Variants in LDB2 observed in about 807,000 individuals in gnomAD.
LDB2 encodes LIM domain-binding protein 2.
LDB2 carries 12 observed loss-of-function variants against 44.3 expected under a neutral mutation model. The observed-to-expected ratio is 0.27, with a 90% CI of 0.17 to 0.44. The LOEUF is 0.44. Among genes scored for constraint, LDB2 ranks in the 20% least tolerant of loss-of-function variants. The probability of loss-of-function intolerance (pLI) is 1.00; values close to 1 mark genes in which losing one functional copy is unlikely to be tolerated. For missense variants in LDB2, 344 were observed against 473.5 expected, an observed-to-expected ratio of 0.73 and a Z score of 2.54; for synonymous variants, 164 against 174.8, an observed-to-expected ratio of 0.94 and a Z score of 0.49.
intron 2 of LDB2, chr4:16,726,511 A>G (rs1759498038): frequency 6.6e-6 from 1 of 152,096 alleles, no homozygotes; most frequent in Non-Finnish European, 1.5e-5. Flanking sequence ...GCAGCGCCAG[A>G]ATCAGGTTCC....
At chr4:16,722,510 CA>C (rs1758490526) in intron 2 of LDB2, among the ~76,000 whole-genome samples, 1 of 152,162 alleles carries the variant, frequency 6.6e-6, no homozygotes. Context: ...GGGCTAGCCT[CA>C]GAAGGAAATT....
chr4:16,720,149 T>C (rs1297576074), intron 2 of LDB2, among the ~76,000 whole-genome samples: 1 of 152,060 alleles, frequency 6.6e-6, no homozygotes, highest in Non-Finnish European at 1.5e-5. Flanking sequence ...TAATGTCTAG[T>C]AATTCAATCA....
intron 1 of LDB2, among the ~76,000 whole-genome samples, chr4:16,802,764 G>A (rs1206582179): frequency 6.6e-6 from 1 of 152,170 alleles, no homozygotes; most frequent in East Asian, 1.9e-4. Context: ...GGGGGCCAAT[G>A]GAACTGAGGC....
intron 2 of LDB2, among the ~76,000 whole-genome samples, chr4:16,743,334 G>A (rs2109034235): frequency 6.6e-6 from 1 of 152,134 alleles, no homozygotes; most frequent in East Asian, 1.9e-4. Flanking sequence ...ATATAATTAT[G>A]TATCTGCCTC....
chr4:16,504,375 T>TTAA (rs1273864860), intron 7 of LDB2, among the ~76,000 whole-genome samples: 16 of 152,188 alleles, frequency 1.1e-4, no homozygotes, highest in African/African-American at 3.9e-4. Flanking sequence ...GGGGAGATAA[T>TTAA]TAATAGGTTT....
At chr4:16,702,685 A>G (rs1753719096) in intron 2 of LDB2, among the ~76,000 whole-genome samples, 1 of 152,116 alleles carries the variant, frequency 6.6e-6, no homozygotes, top group South Asian at 2.1e-4. Context: ...AGGTCCATGC[A>G]TCCTGTTGGT....
intron 6 of LDB2, among the ~76,000 whole-genome samples, chr4:16,511,518 CTTCT>C (rs1721737474): frequency 6.6e-6 from 1 of 151,856 alleles, no homozygotes. Context: ...TTCTTCCTTC[CTTCT>C]TTCCATCCCT....
intron 5 of LDB2, among the ~76,000 whole-genome samples, chr4:16,512,698 G>C (rs1722268023): frequency 6.6e-6 from 1 of 152,162 alleles, no homozygotes. Context: ...GTACTCATCT[G>C]TATTTTATGC....
chr4:16,621,796 C>G (rs978481668), intron 2 of LDB2, among the ~76,000 whole-genome samples: 1 of 152,110 alleles, frequency 6.6e-6, no homozygotes, highest in Non-Finnish European at 1.5e-5. Flanking sequence ...AGGCCTCAAG[C>G]AATCTTTCCA....
At chr4:16,509,096 T>A (rs1180383185) in intron 6 of LDB2, among the ~76,000 whole-genome samples, 2 of 152,170 alleles carry the variant, frequency 1.3e-5, no homozygotes, top group Non-Finnish European at 2.9e-5. Flanking sequence ...ATCCCTAGGG[T>A]AACTAACTCC....
At chr4:16,884,658 G>C (rs1328567173) in intron 1 of LDB2, among the ~76,000 whole-genome samples, 15 of 152,126 alleles carry the variant, frequency 9.9e-5, no homozygotes, top group Admixed American at 9.2e-4. Flanking sequence ...TGTGTCCTCA[G>C]TAAGCTCTTT....
chr4:16,588,607 C>CT, intron 4 of LDB2, 103 bp downstream of exon 4: 1 of 1,217,994 alleles, frequency 8.2e-7, no homozygotes, highest in East Asian at 2.4e-5. Context: ...AGCGTGACAA[C>CT]TACTGGAATT....
intron 5 of LDB2, among the ~76,000 whole-genome samples, chr4:16,564,549 C>G (rs1743785060): frequency 6.6e-6 from 1 of 152,178 alleles, no homozygotes; most frequent in African/African-American, 2.4e-5. Flanking sequence ...GTGAGGTGTC[C>G]TTATTCAACT....
At chr4:16,695,338 C>A (rs283028) in intron 2 of LDB2, among the ~76,000 whole-genome samples, 42,989 of 151,728 alleles carry the variant, frequency 0.28, 6,244 homozygotes, top group Non-Finnish European at 0.33. Context: ...CGAGACCAGC[C>A]TGGCCAACAT....
chr4:16,864,233 T>C (rs1713836706), intron 1 of LDB2, among the ~76,000 whole-genome samples: 1 of 152,208 alleles, frequency 6.6e-6, no homozygotes, highest in Admixed American at 6.5e-5. Flanking sequence ...ATTACTCTTT[T>C]CTATTCTACA....
intron 1 of LDB2, among the ~76,000 whole-genome samples, chr4:16,780,941 G>A (rs1269865187): frequency 6.6e-6 from 1 of 152,122 alleles, no homozygotes; most frequent in Non-Finnish European, 1.5e-5. Context: ...CGGGCTGTTG[G>A]ATTCTCATGT....
chr4:16,503,160 A>AAATT (rs1356369447), intron 7 of LDB2: 10 of 1,535,102 alleles, frequency 6.5e-6, no homozygotes, highest in Non-Finnish European at 8.7e-6. Flanking sequence ...GTATTTTTCA[A>AAATT]AATTAAAAAA....
chr4:16,799,072 C>T (rs1180674132), intron 1 of LDB2, among the ~76,000 whole-genome samples: 2 of 152,160 alleles, frequency 1.3e-5, no homozygotes, highest in African/African-American at 4.8e-5. Context: ...CCAGGATGGT[C>T]TTGATCTCCT....
At chr4:16,644,591 C>A (rs998080304) in intron 2 of LDB2, among the ~76,000 whole-genome samples, 3 of 152,000 alleles carry the variant, frequency 2.0e-5, no homozygotes, top group African/African-American at 7.3e-5. Flanking sequence ...CCATGCCCAG[C>A]TAATTTTTTT....
Sources: gnomAD v4.1 joint callset for allele counts (sites outside exome capture counted in the v4.1 genomes callset) on GRCh38, gnomAD v4.1.1 for gene constraint, MANE v1.5 for transcripts, NCBI Gene and HGNC (gene_info 2026-07-23, HGNC 2026-07-21) for gene names.